ZFYVE26: variants seen among roughly 807,000 people sequenced by gnomAD.
ZFYVE26 encodes the protein zinc finger FYVE-type containing 26.
Under a neutral mutation model 276.5 loss-of-function variants are expected in ZFYVE26, and 181 were observed. The ratio of observed to expected loss-of-function variants is 0.65; its 90% CI spans 0.58 to 0.74. The LOEUF is 0.74. Ranked by LOEUF, ZFYVE26 falls within the 30% of genes least tolerant of loss-of-function variation. The probability of loss-of-function intolerance (pLI) is 0.00; values close to 1 mark genes in which losing one functional copy is unlikely to be tolerated. For missense variants in ZFYVE26, 2,821 were observed against 3,097.9 expected, an observed-to-expected ratio of 0.91 and a Z score of 2.12; for synonymous variants, 1,129 against 1,203.1, an observed-to-expected ratio of 0.94 and a Z score of 1.27.
intron 13 of ZFYVE26, among the ~76,000 whole-genome samples, chr14:67,738,362 T>C (rs2038375423): frequency 7.8e-6 from 1 of 128,676 alleles, no homozygotes; most frequent in South Asian, 2.1e-4. Context: ...TATACTAATA[T>C]ACTTATAAAT....
chr14:67,804,918 C>T (rs1346515079), intron 8 of ZFYVE26, among the ~76,000 whole-genome samples: 2 of 152,162 alleles, frequency 1.3e-5, no homozygotes, highest in African/African-American at 4.8e-5. Context: ...TGAAATCATC[C>T]ATGTAAAGGG....
rs1594944496 is a variant in ZFYVE26 at position 67,815,800 on chromosome 14, T to A, written c.164A>T (p.Gln55Leu). 2 of 1,613,712 alleles carry A rather than the reference T, an allele frequency of 1.2e-6. No individual in the cohort carries two copies. Among genetic ancestry groups the A allele is most frequent in the African/African-American group, 1.3e-5 (1 of 75,056 alleles). ...DIPKRVEDIL[Q>L]ALVVCPNLLR... is the part of the protein sequence containing the mutation. ...CAGATTTGGACACACCACCAATGCC[T>A]GAAGTATGTCTTCTACCCTCTTTGG... The change falls in exon 2 of 42, where the codon CAG becomes CTG. Residue 55 changes from glutamine to leucine, a missense_variant. Coordinates refer to ENST00000347230, the MANE Select transcript of ZFYVE26 (RefSeq NM_015346.4).
intron 23 of ZFYVE26, among the ~76,000 whole-genome samples, chr14:67,778,938 T>C (rs2039423871): frequency 6.6e-6 from 1 of 152,198 alleles, no homozygotes; most frequent in African/African-American, 2.4e-5. Flanking sequence ...TTGTATATTA[T>C]GTTGCAGTCA....
intron 3 of ZFYVE26, among the ~76,000 whole-genome samples, chr14:67,809,500 G>A (rs993781089): frequency 2.1e-5 from 3 of 142,052 alleles, no homozygotes; most frequent in African/African-American, 5.3e-5. Flanking sequence ...TTAGCTTACC[G>A]CAACCTCCAC....
chr14:67,806,679 A>C lies in ZFYVE26; in HGVS notation c.887-4T>G, dbSNP rs2140251127. The C allele has an allele frequency of 6.2e-7, 1 of 1,612,996 alleles. No individual in the cohort carries two copies. The highest frequency in any genetic ancestry group is 1.1e-5 in the South Asian group (1 of 90,968). On this transcript the variant is annotated splice_polypyrimidine_tract_variant and splice_region_variant and intron_variant, in intron 5 of 41. Transcript: ENST00000347230. ...GGATCTAGATGATCCGGTGAGACTGAACATCAAACAAGACGGTTATCAGGA... is the reference window on the plus strand; with the variant it reads ...GGATCTAGATGATCCGGTGAGACTGCACATCAAACAAGACGGTTATCAGGA...
In ZFYVE26 at chr14:67,755,149, C is replaced by T; in HGVS notation, c.6888G>A (p.Lys2296=). 6.2e-7 allele frequency: 1 copy of T among 1,614,160 alleles called. No homozygotes were observed. Among genetic ancestry groups the T allele is most frequent in the South Asian group, 1.1e-5 (1 of 91,080 alleles). Residue 2296 remains lysine (K), a synonymous_variant, in exon 37 of 42, where the codon AAG becomes AAA. Coordinates refer to ENST00000347230, the MANE Select transcript of ZFYVE26 (RefSeq NM_015346.4). ...GEKLSWLLKA[K]DHLKIYLQET... is the part of the protein sequence containing the mutation. ...CTTGGAGGTAGATCTTCAGGTGGTC[C>T]TTGGCCTTAAGTAGCCATGAGAGCT...
chr14:67,761,862 T>C (rs1480719951), intron 34 of ZFYVE26: 1 of 562,270 alleles, frequency 1.8e-6, no homozygotes, highest in Non-Finnish European at 3.1e-6. Flanking sequence ...ATTCTACATA[T>C]TATGATATGG....
intron 10 of ZFYVE26, chr14:67,799,668 C>A: frequency 8.1e-7 from 1 of 1,238,786 alleles, no homozygotes; most frequent in Non-Finnish European, 1.2e-6. Context: ...AGGCAAGGTG[C>A]TGGCAAGATT....
rs1414013807 is a variant in ZFYVE26 at position 67,748,306 on chromosome 14, A to G, written c.*130T>C. The G allele has an allele frequency of 9.4e-7, 1 of 1,067,594 alleles. No homozygotes were observed. The highest frequency in any genetic ancestry group is 1.3e-6 in the Non-Finnish European group (1 of 742,040). The allele number at this position is 1,067,594 out of a possible 1,614,324, so 66.1% of individuals were successfully genotyped here. ...TGCCCGGGAAGGCAAGTAGGGTCCA[A>G]TCCAACTCTTTCCAACCTAGGGCAG... On this transcript the variant is annotated 3_prime_UTR_variant, in exon 42 of 42. Coordinates refer to ENST00000347230, the MANE Select transcript of ZFYVE26 (RefSeq NM_015346.4).
At position 67,770,211 on chromosome 14, in the gene ZFYVE26, C is replaced by T. The variant is rs142764103; in HGVS notation, c.5485-481G>A. On this transcript the variant is annotated intron_variant, in intron 28 of 41. Transcript: ENST00000347230. ...GGGCGCGGTGGTTCACGCCTATAAT[C>T]CCAGCAGTTTGGGAGGCAGAGGTGA... The T allele has an allele frequency of 3.7e-4, 78 of 211,740 alleles. No homozygotes were observed. The East Asian group carries it at 7.5e-3, about 20-fold the overall frequency. The allele number at this position is 211,740 out of a possible 1,614,324, so 13.1% of individuals were successfully genotyped here. A position where few individuals can be genotyped will look rare whatever the true frequency, so the allele number is the denominator to read the frequency against.
At chr14:67,786,790 G>A (rs1238530946) in intron 16 of ZFYVE26, among the ~76,000 whole-genome samples, 1 of 152,194 alleles carries the variant, frequency 6.6e-6, no homozygotes, top group East Asian at 1.9e-4. Context: ...AGCAACCTCA[G>A]TGTCCATCAG....
intron 25 of ZFYVE26, 80 bp from the exon 26 acceptor site, chr14:67,776,186 G>A: frequency 6.3e-7 from 1 of 1,597,290 alleles, no homozygotes; most frequent in Non-Finnish European, 8.5e-7. Flanking sequence ...ACTGGGAAGG[G>A]GAAGGGTGCA....
chr14:67,807,933 T>C lies in ZFYVE26; in HGVS notation c.364-13A>G, dbSNP rs1284072755. 6.2e-6 allele frequency: 10 copies of C among 1,614,014 alleles called. No homozygotes were observed. The highest frequency in any genetic ancestry group is 2.2e-5 in the East Asian group (1 of 44,904). On this transcript the variant is annotated splice_polypyrimidine_tract_variant and intron_variant, in intron 4 of 41. Coordinates refer to ENST00000347230, the MANE Select transcript of ZFYVE26 (RefSeq NM_015346.4). ...TCTCATACAGCTCCTAAATAGAGGATGAAGAAAAGGATGGGTGGTGGGCAT... is the reference window on the plus strand; with the variant it reads ...TCTCATACAGCTCCTAAATAGAGGACGAAGAAAAGGATGGGTGGTGGGCAT...
In ZFYVE26 at chr14:67,781,188, G is replaced by A. The variant is rs899753703; in HGVS notation, c.4569+145C>T. 5 of 894,858 alleles carry A rather than the reference G, an allele frequency of 5.6e-6. No individual in the cohort carries two copies. The East Asian group carries it at 9.8e-5, about 18-fold the overall frequency. The allele number at this position is 894,858 out of a possible 1,614,324, so 55.4% of individuals were successfully genotyped here. A position where few individuals can be genotyped will look rare whatever the true frequency, so the allele number is the denominator to read the frequency against. On this transcript the variant is annotated intron_variant, in intron 22 of 41. Coordinates refer to ENST00000347230, the MANE Select transcript of ZFYVE26 (RefSeq NM_015346.4). ...CAACCAGCTAGGAGGCCTCCCTGCTGTTCACCTAAGAACTGAAGCCAGATG... is the reference window on the plus strand; with the variant it reads ...CAACCAGCTAGGAGGCCTCCCTGCTATTCACCTAAGAACTGAAGCCAGATG...
intron 28 of ZFYVE26, 193 bp from the exon 29 acceptor site, chr14:67,769,923 A>G: frequency 2.7e-6 from 2 of 741,280 alleles, no homozygotes; most frequent in Admixed American, 2.4e-5. Flanking sequence ...CTGTCAGCTG[A>G]TGGGCAAAGG....
Position 67,761,416 on chromosome 14 carries a change from A to G in ZFYVE26, c.6538T>C (p.Tyr2180His). 1 of 1,614,120 alleles carries G rather than the reference A, an allele frequency of 6.2e-7. No individual in the cohort carries two copies. Among genetic ancestry groups the G allele is most frequent in the Non-Finnish European group, 8.5e-7 (1 of 1,179,982 alleles). Residue 2180 changes from tyrosine (Y) to histidine (H), a missense_variant, in exon 35 of 42, where the codon TAC becomes CAC. Transcript: ENST00000347230. ...YSTNLAIISF[Y>H]VRHSCLREAL... is the part of the protein sequence containing the mutation. ...TCCCGCAGGCAGCTGTGCCTCACGT[A>G]GAAGCTGATGATGGCCAGGTTGGTG...
chr14:67,729,798 A>G (rs1385248375), exon 14 of ZFYVE26: 8 of 496,198 alleles, frequency 1.6e-5, no homozygotes, highest in Admixed American at 6.3e-5. Flanking sequence ...CTGTCCCTCA[A>G]TGCTGCCAAG....
rs772399290 is a variant in ZFYVE26 at position 67,777,730 on chromosome 14, C to T, written c.4803G>A (p.Leu1601=). Residue 1601 remains leucine (L), a synonymous_variant, in exon 25 of 42, where the codon CTG becomes CTA. Coordinates refer to ENST00000347230, the MANE Select transcript of ZFYVE26 (RefSeq NM_015346.4). ...RRDHDKALQL[L]RRIPDPTMCL... ...ACATGGTGGGGTCAGGGATTCTTCG[C>T]AGGAGCTATTGTCAAAGGGTAGAGG... The T allele has an allele frequency of 8.7e-6, 14 of 1,614,062 alleles. No homozygotes were observed. The highest frequency in any genetic ancestry group is 1.1e-5 in the Non-Finnish European group (13 of 1,180,040).
Position 67,781,546 on chromosome 14 carries a change from A to G in ZFYVE26, c.4373-17T>C, listed in dbSNP as rs762347522. The G allele has an allele frequency of 1.9e-6, 3 of 1,613,298 alleles. No homozygotes were observed. The highest frequency in any genetic ancestry group is 3.3e-5 in the Admixed American group (2 of 60,030). ...CTTCTTTGTCTATAAGACAAAAAAG[A>G]TGCTCAGAGGCAGCAAGCGTGGGAC... is the stretch of plus-strand genomic sequence containing the variant. On this transcript the variant is annotated splice_polypyrimidine_tract_variant and intron_variant, in intron 21 of 41. Transcript: ENST00000347230.
Sources: allele counts gnomAD v4.1 joint callset (sites outside exome capture counted in the v4.1 genomes callset), GRCh38; gene constraint gnomAD v4.1.1; transcripts MANE v1.5; gene names NCBI Gene and HGNC (gene_info 2026-07-23, HGNC 2026-07-21).